ZDHHC21: variants seen among roughly 807,000 people sequenced by gnomAD.
ZDHHC21 encodes zDHHC palmitoyltransferase 21, also known as palmitoyltransferase ZDHHC21.
Under a neutral mutation model 34.6 loss-of-function variants are expected in ZDHHC21, and 15 were observed. That is an observed-to-expected ratio of 0.43 (90% CI 0.29 to 0.67). ZDHHC21 has a LOEUF of 0.67. Ranked by LOEUF, ZDHHC21 falls within the 30% of genes least tolerant of loss-of-function variation. The pLI, the probability that ZDHHC21 is intolerant of heterozygous loss-of-function variation, is 0.14. For synonymous variants in ZDHHC21, 142 were observed against 101.8 expected, an observed-to-expected ratio of 1.40 and a Z score of -2.38; for missense variants, 344 against 327.7, an observed-to-expected ratio of 1.05 and a Z score of -0.38.
intron 7 of ZDHHC21, among the ~76,000 whole-genome samples, chr9:14,650,411 C>G (rs746253233): frequency 8.6e-5 from 13 of 151,874 alleles, no homozygotes; most frequent in Non-Finnish European, 1.9e-4. Flanking sequence ...ATTCTTGACT[C>G]TTGGCTATTC....
the ZDHHC21 span, among the ~76,000 whole-genome samples, chr9:14,596,735 A>G: frequency 1.3e-5 from 2 of 152,230 alleles, no homozygotes; most frequent in Non-Finnish European, 1.5e-5. Flanking sequence ...AAAAAATAAC[A>G]GAGAACAAAA....
chr9:14,687,696 A>G (rs1320163705), intron 2 of ZDHHC21, among the ~76,000 whole-genome samples: 2 of 150,674 alleles, frequency 1.3e-5, no homozygotes, highest in East Asian at 1.9e-4. Flanking sequence ...AAAACAAAAC[A>G]AAAGTAACGT....
chr9:14,668,697 G>A (rs1212008044), intron 5 of ZDHHC21, among the ~76,000 whole-genome samples: 51 of 141,690 alleles, frequency 3.6e-4, no homozygotes, highest in Admixed American at 7.9e-4. Flanking sequence ...AAATAATGCC[G>A]CATAACTACA....
the ZDHHC21 span, among the ~76,000 whole-genome samples, chr9:14,605,646 GATTCT>G: frequency 6.6e-6 from 1 of 152,142 alleles, no homozygotes; most frequent in African/African-American, 2.4e-5. Context: ...ACTGCCATTT[GATTCT>G]ATTAAGTCTC....
At chr9:14,645,916 T>C (rs190590978) in intron 7 of ZDHHC21, among the ~76,000 whole-genome samples, 2 of 152,254 alleles carry the variant, frequency 1.3e-5, no homozygotes, top group East Asian at 3.9e-4. Context: ...TAAGTATTAG[T>C]AAGGATATGA....
the ZDHHC21 span, among the ~76,000 whole-genome samples, chr9:14,605,431 A>C: frequency 6.6e-6 from 1 of 152,152 alleles, no homozygotes; most frequent in Non-Finnish European, 1.5e-5. Flanking sequence ...GCATCTCTCT[A>C]TTAGTGATGT....
chr9:14,683,508 G>T (rs200747502), intron 2 of ZDHHC21: 46 of 152,106 alleles, frequency 3.0e-4, no homozygotes, highest in African/African-American at 9.6e-4. Context: ...AGGAAGAAGT[G>T]GAATCTCTGA....
At chr9:14,620,550 T>A (rs1825127444) in intron 8 of ZDHHC21, among the ~76,000 whole-genome samples, 1 of 99,836 alleles carries the variant, frequency 1.0e-5, no homozygotes, top group Non-Finnish European at 2.0e-5. Flanking sequence ...ACACTTTGTT[T>A]ATACATAGGT....
chr9:14,640,057 C>A, intron 7 of ZDHHC21, 45 bp from the exon 8 acceptor site: 1 of 1,152,434 alleles, frequency 8.7e-7, no homozygotes, highest in South Asian at 1.4e-5. Context: ...GAGTTGCTTA[C>A]ATTGCTTACA....
chr9:14,602,380 T>C, the ZDHHC21 span, among the ~76,000 whole-genome samples: 2 of 151,806 alleles, frequency 1.3e-5, no homozygotes, highest in African/African-American at 2.4e-5. Context: ...GGGAGTTCCA[T>C]GAGATGAGAT....
chr9:14,601,690 T>C, the ZDHHC21 span, among the ~76,000 whole-genome samples: 1 of 152,192 alleles, frequency 6.6e-6, no homozygotes, highest in Non-Finnish European at 1.5e-5. Flanking sequence ...TAAAGACACA[T>C]GTGCATGTAT....
At position 14,618,267 on chromosome 9, in the gene ZDHHC21, T is replaced by C. The variant is rs755417020; in HGVS notation, c.*699A>G. 7.9e-5 allele frequency: 12 copies of C among 152,598 alleles called. No individual in the cohort carries two copies. The highest frequency in any genetic ancestry group is 1.2e-4 in the African/African-American group (5 of 41,536). The allele number at this position is 152,598 out of a possible 1,614,324, so 9.5% of individuals were successfully genotyped here. A position where few individuals can be genotyped will look rare whatever the true frequency, so the allele number is the denominator to read the frequency against. Reference sequence around the variant, plus strand: ...ATAATTACAACAGTAATAGTGAAAATTGAAAAAATTATTGTGAAAAAAATT... The same window carrying C: ...ATAATTACAACAGTAATAGTGAAAACTGAAAAAATTATTGTGAAAAAAATT... On this transcript the variant is annotated 3_prime_UTR_variant, in exon 10 of 10. Coordinates refer to ENST00000380916, the MANE Select transcript of ZDHHC21 (RefSeq NM_178566.6).
At chr9:14,666,636 T>G (rs1371808831) in intron 5 of ZDHHC21, among the ~76,000 whole-genome samples, 1 of 107,970 alleles carries the variant, frequency 9.3e-6, no homozygotes, top group African/African-American at 3.1e-5. Flanking sequence ...GAACAGAAAT[T>G]ATAACAAACT....
intron 7 of ZDHHC21, among the ~76,000 whole-genome samples, chr9:14,657,197 G>A (rs1342427837): frequency 6.6e-6 from 1 of 151,910 alleles, no homozygotes; most frequent in Non-Finnish European, 1.5e-5. Flanking sequence ...AGTAATAAAT[G>A]GTTACTGTAA....
rs1385419324 is a variant in ZDHHC21 at position 14,662,212 on chromosome 9, T to C, written c.365+3A>G. ...TTCTTTGCTAGAAGTGAATTATTCT[T>C]ACCATGGACAGTGATGATCCATTCT... is the stretch of plus-strand genomic sequence containing the variant. On this transcript the variant is annotated splice_donor_region_variant and intron_variant, in intron 6 of 9. Coordinates refer to ENST00000380916, the MANE Select transcript of ZDHHC21 (RefSeq NM_178566.6). 6.3e-7 allele frequency: 1 copy of C among 1,592,026 alleles called. No individual in the cohort carries two copies. Among genetic ancestry groups the C allele is most frequent in the Non-Finnish European group, 8.5e-7 (1 of 1,171,420 alleles).
At chr9:14,683,366 A>G (rs1223639278) in intron 2 of ZDHHC21, among the ~76,000 whole-genome samples, 1 of 152,200 alleles carries the variant, frequency 6.6e-6, no homozygotes, top group Non-Finnish European at 1.5e-5. Flanking sequence ...GATAAAGAGG[A>G]TATCACCACC....
downstream of ZDHHC21, among the ~76,000 whole-genome samples, chr9:14,606,472 C>A (rs1263565230): frequency 6.6e-6 from 1 of 152,128 alleles, no homozygotes; most frequent in South Asian, 2.1e-4. Flanking sequence ...ATCAGGTATG[C>A]GAGTAAACGA....
In ZDHHC21 at chr9:14,662,210, C is replaced by G. The variant is rs1202139589; in HGVS notation, c.365+5G>C. On this transcript the variant is annotated splice_donor_5th_base_variant and intron_variant, in intron 6 of 9. Transcript: ENST00000380916. ...TTTTCTTTGCTAGAAGTGAATTATT[C>G]TTACCATGGACAGTGATGATCCATT... The G allele has an allele frequency of 1.9e-6, 3 of 1,584,538 alleles. No homozygotes were observed. Among genetic ancestry groups the G allele is most frequent in the Non-Finnish European group, 2.6e-6 (3 of 1,166,292 alleles).
chr9:14,605,148 T>C, the ZDHHC21 span, among the ~76,000 whole-genome samples: 1 of 152,242 alleles, frequency 6.6e-6, no homozygotes, highest in Non-Finnish European at 1.5e-5. Context: ...TTGGCTATTA[T>C]GAATACTGCA....
Sources: allele counts gnomAD v4.1 joint callset (sites outside exome capture counted in the v4.1 genomes callset), GRCh38; gene constraint gnomAD v4.1.1; transcripts MANE v1.5; gene names NCBI Gene and HGNC (gene_info 2026-07-23, HGNC 2026-07-21).